DLG2: variants seen among roughly 807,000 people sequenced by gnomAD.
DLG2 encodes discs large MAGUK scaffold protein 2.
Under a neutral mutation model 132.5 loss-of-function variants are expected in DLG2, and 45 were observed. The ratio of observed to expected loss-of-function variants is 0.34; its 90% CI spans 0.27 to 0.44. The LOEUF (loss-of-function observed/expected upper bound fraction) is 0.44, where lower values mean the gene tolerates loss of function less well. Ranked by LOEUF, DLG2 falls within the 20% of genes least tolerant of loss-of-function variation. The pLI is 1.00. For missense variants in DLG2, 1,045 were observed against 1,196.9 expected (o/e 0.87, Z 1.87); for synonymous variants, 424 against 419.6 (o/e 1.01, Z -0.13).
At chr11:83,764,603 CT>C (rs113134042) in intron 18 of DLG2, among the ~76,000 whole-genome samples, 6,173 of 152,216 alleles carry the variant, frequency 0.041, 418 homozygotes, top group African/African-American at 0.14. Context: ...AAACATTAAC[CT>C]ACTTAATCTT....
chr11:84,472,186 C>T lies in DLG2; in HGVS notation c.519+62384G>A, dbSNP rs116167192. Among the ~76,000 whole-genome samples, 1,090 of 151,798 alleles carry T rather than the reference C, an allele frequency of 7.2e-3. 20 individuals carry two copies. The highest frequency in any genetic ancestry group is 0.025 in the African/African-American group (1,017 of 41,466). The stretch of plus-strand genomic sequence containing the variant: ...TATGGCTACAATCCCAACATAAAAG[C>T]GATTGGATCTCAGTGTGCCTGTATA... On this transcript the variant is annotated intron_variant, in intron 7 of 27. Transcript: ENST00000376104.
intron 3 of DLG2, among the ~76,000 whole-genome samples, chr11:85,432,901 T>A (rs1360431999): frequency 6.6e-6 from 1 of 152,018 alleles, no homozygotes; most frequent in Non-Finnish European, 1.5e-5. Context: ...GGAAAAAATG[T>A]TAAGGGCAGC....
chr11:85,242,999 T>A (rs1455543661), intron 4 of DLG2, among the ~76,000 whole-genome samples: 2 of 151,916 alleles, frequency 1.3e-5, no homozygotes, highest in Non-Finnish European at 2.9e-5. Context: ...ATGGTAACGA[T>A]CCAGGCATTT....
intron 7 of DLG2, among the ~76,000 whole-genome samples, chr11:84,419,477 C>T (rs1430461732): frequency 2.0e-5 from 3 of 152,132 alleles, no homozygotes; most frequent in Admixed American, 1.3e-4. Flanking sequence ...TTAGAACATC[C>T]TGAACATACT....
intron 3 of DLG2, among the ~76,000 whole-genome samples, chr11:85,499,931 T>C (rs560214886): frequency 6.6e-6 from 1 of 152,266 alleles, no homozygotes; most frequent in East Asian, 1.9e-4. Flanking sequence ...AAACTAGGTA[T>C]CAATGGAACA....
rs567021165 is a variant in DLG2, at chr11:84,784,015, A to C, written c.358-249284T>G. 2.0e-5 allele frequency among the ~76,000 whole-genome samples: 3 copies of C among 151,690 alleles called. No homozygotes were observed. In the East Asian group the frequency reaches 5.9e-4, roughly 30 times the overall value. On this transcript the variant is annotated intron_variant, in intron 6 of 27. Coordinates refer to ENST00000376104, the MANE Select transcript of DLG2 (RefSeq NM_001142699.3). Reference sequence around the variant, plus strand: ...ATGAGCTTATTAAAAATAAGGGTATAGGCTGGGCACAGTGGCTCACACCTA... The same window carrying C: ...ATGAGCTTATTAAAAATAAGGGTATCGGCTGGGCACAGTGGCTCACACCTA...
intron 6 of DLG2, among the ~76,000 whole-genome samples, chr11:85,079,353 A>G (rs1210588290): frequency 1.3e-5 from 2 of 152,054 alleles, no homozygotes; most frequent in Non-Finnish European, 2.9e-5. Context: ...CTGAATTCCA[A>G]GAGGAGGAGG....
intron 20 of DLG2, among the ~76,000 whole-genome samples, chr11:83,540,042 G>A (rs555675587): frequency 6.6e-5 from 10 of 152,232 alleles, no homozygotes; most frequent in Admixed American, 3.9e-4. Flanking sequence ...GCCATCTTTA[G>A]GCAGCTCCAA....
At chr11:85,037,319 T>G (rs1412896451) in intron 6 of DLG2, among the ~76,000 whole-genome samples, 1 of 152,172 alleles carries the variant, frequency 6.6e-6, no homozygotes, top group Non-Finnish European at 1.5e-5. Context: ...GCTCCATCAC[T>G]TATTTGGCTA....
At chr11:83,950,916 GC>G (rs1008631203) in intron 14 of DLG2, among the ~76,000 whole-genome samples, 19 of 151,178 alleles carry the variant, frequency 1.3e-4, no homozygotes, top group African/African-American at 2.4e-4. Flanking sequence ...TTATTTGCCT[GC>G]CCCCCCCTCC....
intron 3 of DLG2, among the ~76,000 whole-genome samples, chr11:85,575,070 A>C (rs2153226354): frequency 6.6e-6 from 1 of 152,090 alleles, no homozygotes; most frequent in Middle Eastern, 3.4e-3. Context: ...TTCTAAATAT[A>C]TAATGCAGAG....
chr11:84,028,893 G>A (rs1386020536), intron 11 of DLG2, among the ~76,000 whole-genome samples: 2 of 152,010 alleles, frequency 1.3e-5, no homozygotes, highest in East Asian at 1.9e-4. Context: ...AGTAGGGTGT[G>A]AGCCTCTTGA....
At chr11:85,513,104 C>G (rs566710810) in intron 3 of DLG2, among the ~76,000 whole-genome samples, 4 of 151,878 alleles carry the variant, frequency 2.6e-5, no homozygotes, top group Admixed American at 2.6e-4. Flanking sequence ...GAAAACAAAA[C>G]ACAGCATATT....
rs869183421 is a variant in DLG2, at chr11:84,121,541, A to ATTTTTTTTTTT, written c.625-22505_625-22495dup. On this transcript the variant is annotated intron_variant, in intron 9 of 27. Transcript: ENST00000376104. ...TTACTCTCACTTATATTCCTTGCTA[A>ATTTTTTTTTTT]TTTTTTTTTTTTTTTTTTTTTTTTT... 6.1e-4 allele frequency among the ~76,000 whole-genome samples: 41 copies of ATTTTTTTTTTT among 66,688 alleles called. 1 individual carries two copies. Among genetic ancestry groups the ATTTTTTTTTTT allele is most frequent in the Non-Finnish European group, 8.7e-4 (31 of 35,706 alleles). 43.7% of individuals were successfully genotyped at this position (66,688 alleles called of 152,430 possible).
intron 15 of DLG2, among the ~76,000 whole-genome samples, chr11:83,925,957 T>C (rs934301373): frequency 2.0e-5 from 3 of 152,116 alleles, no homozygotes; most frequent in Non-Finnish European, 4.4e-5. Flanking sequence ...GAAATCCTAT[T>C]TGTTTTTCAA....
chr11:84,513,209 C>T (rs1298883090), intron 7 of DLG2, among the ~76,000 whole-genome samples: 2 of 151,784 alleles, frequency 1.3e-5, no homozygotes, highest in Non-Finnish European at 2.9e-5. Flanking sequence ...GAAAAATATT[C>T]CATGTGTATG....
At chr11:85,187,546 C>T (rs2080202895) in intron 4 of DLG2, among the ~76,000 whole-genome samples, 1 of 152,026 alleles carries the variant, frequency 6.6e-6, no homozygotes, top group South Asian at 2.1e-4. Flanking sequence ...CTAAAAATAA[C>T]AATTTCAGGA....
In DLG2 at chr11:84,494,831, A is replaced by T. The variant is rs534142959; in HGVS notation, c.519+39739T>A. On this transcript the variant is annotated intron_variant, in intron 7 of 27. Transcript: ENST00000376104. ...GGGAGCCAAGTTGACTTGCTGCAAC[A>T]TCTTCCAAAAGGAGCCTCCCTGCCC... Among the ~76,000 whole-genome samples the T allele has an allele frequency of 2.0e-5, 3 of 152,304 alleles. No individual in the cohort carries two copies. The South Asian group carries it at 6.2e-4, about 32-fold the overall frequency.
intron 10 of DLG2, among the ~76,000 whole-genome samples, chr11:84,076,448 C>T (rs777671980): frequency 5.3e-5 from 8 of 152,140 alleles, no homozygotes; most frequent in Non-Finnish European, 8.8e-5. Context: ...AGACCTACGC[C>T]ACGCGATTAT....
Sources: allele counts gnomAD v4.1 joint callset (sites outside exome capture counted in the v4.1 genomes callset), GRCh38; gene constraint gnomAD v4.1.1; transcripts MANE v1.5; gene names NCBI Gene and HGNC (gene_info 2026-07-23, HGNC 2026-07-21).